Variants in COLEC10 observed in about 807,000 individuals in gnomAD.
COLEC10 encodes collectin-10.
A neutral mutation model predicts 28.4 loss-of-function variants in COLEC10; 22 were observed. The observed-to-expected ratio is 0.78, with a 90% CI of 0.55 to 1.11. The LOEUF is 1.11. Among genes scored for constraint, COLEC10 ranks in the 50% least tolerant of loss-of-function variants. COLEC10 has a pLI of 0.00. For missense variants in COLEC10, 361 were observed against 344.1 expected (o/e 1.05, Z -0.39); for synonymous variants, 125 against 116.1 (o/e 1.08, Z -0.49).
intron 2 of COLEC10, among the ~76,000 whole-genome samples, chr8:119,044,243 C>T (rs1161322459): frequency 6.6e-6 from 1 of 152,190 alleles, no homozygotes; most frequent in Non-Finnish European, 1.5e-5. Flanking sequence ...ATGCCAAGAT[C>T]CACATTTTAC....
At chr8:119,023,538 A>T (rs1288775942) in intron 2 of COLEC10, among the ~76,000 whole-genome samples, 2 of 152,180 alleles carry the variant, frequency 1.3e-5, no homozygotes, top group Non-Finnish European at 2.9e-5. Flanking sequence ...TTTAACCTCT[A>T]GTTTCTAAAC....
At chr8:119,052,566 C>T (rs1337146363) in intron 2 of COLEC10, among the ~76,000 whole-genome samples, 3 of 152,040 alleles carry the variant, frequency 2.0e-5, no homozygotes, top group Admixed American at 6.6e-5. Context: ...TCATTATGTC[C>T]TCTTAAAGTT....
intron 1 of COLEC10, among the ~76,000 whole-genome samples, chr8:119,083,751 C>A (rs895203456): frequency 1.3e-5 from 2 of 151,722 alleles, no homozygotes; most frequent in African/African-American, 4.8e-5. Context: ...AATAATTTGA[C>A]AAATTACTTA....
chr8:118,999,593 T>A (rs201244761), intron 1 of COLEC10, among the ~76,000 whole-genome samples: 473 of 136,230 alleles, frequency 3.5e-3, no homozygotes, highest in African/African-American at 3.9e-3. Flanking sequence ...TCCATCTCAA[T>A]AAAAAAAAAA....
At chr8:118,966,149 G>A in the COLEC10 span, among the ~76,000 whole-genome samples, 2 of 152,068 alleles carry the variant, frequency 1.3e-5, no homozygotes, top group East Asian at 1.9e-4. Flanking sequence ...GGAAACAATA[G>A]AGTTTAAAAT....
At chr8:119,058,931 C>T (rs537718748) in intron 2 of COLEC10, among the ~76,000 whole-genome samples, 1 of 152,046 alleles carries the variant, frequency 6.6e-6, no homozygotes, top group South Asian at 2.1e-4. Context: ...AGTATTGTCA[C>T]ATTTATTATT....
intron 3 of COLEC10, among the ~76,000 whole-genome samples, chr8:119,094,136 C>T (rs537992155): frequency 4.4e-4 from 67 of 152,228 alleles, no homozygotes; most frequent in African/African-American, 1.6e-3. Flanking sequence ...TGCAAAAGTG[C>T]TGAGTCAGAG....
rs981160714 is a variant in COLEC10 at position 119,106,737 on chromosome 8, G to C, written c.*546G>C. Among the ~76,000 whole-genome samples the C allele has an allele frequency of 7.2e-5, 11 of 152,184 alleles. No individual in the cohort carries two copies. The highest frequency in any genetic ancestry group is 4.6e-4 in the Admixed American group (7 of 15,268). ...AGTTCTCCTTGTTGGCACAGACATA[G>C]AAATGCTTTAACCCCAAACCTTTAT... is the stretch of plus-strand genomic sequence containing the variant. On this transcript the variant is annotated 3_prime_UTR_variant, in exon 6 of 6. Coordinates refer to ENST00000332843, the MANE Select transcript of COLEC10 (RefSeq NM_006438.5).
At chr8:119,053,669 G>A (rs1015059545) in intron 2 of COLEC10, among the ~76,000 whole-genome samples, 4 of 118,490 alleles carry the variant, frequency 3.4e-5, no homozygotes, top group African/African-American at 1.6e-4. Flanking sequence ...AGGATTGTAG[G>A]CAATTAAAAA....
chr8:119,045,369 A>C (rs1814569043), intron 2 of COLEC10, among the ~76,000 whole-genome samples: 1 of 152,246 alleles, frequency 6.6e-6, no homozygotes, highest in African/African-American at 2.4e-5. Context: ...TGGCATGACC[A>C]ATTGGCTGAA....
chr8:119,082,817 G>T (rs1306192840), intron 1 of COLEC10, among the ~76,000 whole-genome samples: 1 of 152,158 alleles, frequency 6.6e-6, no homozygotes, highest in East Asian at 1.9e-4. Context: ...TTATTCTGGT[G>T]GAGCTCAGTC....
At chr8:118,965,042 TG>T in the COLEC10 span, among the ~76,000 whole-genome samples, 1 of 152,204 alleles carries the variant, frequency 6.6e-6, no homozygotes, top group African/African-American at 2.4e-5. Context: ...AGCTGAATGT[TG>T]AAGGAAGAGA....
chr8:118,983,186 T>C, the COLEC10 span, among the ~76,000 whole-genome samples: 2 of 152,292 alleles, frequency 1.3e-5, no homozygotes, highest in African/African-American at 4.8e-5. Flanking sequence ...TAATGAGCTT[T>C]TCCTTTGTTG....
chr8:119,093,740 C>A (rs977694446), intron 3 of COLEC10, among the ~76,000 whole-genome samples: 1 of 152,152 alleles, frequency 6.6e-6, no homozygotes, highest in Non-Finnish European at 1.5e-5. Context: ...TTTAATACCA[C>A]CCATGGATGA....
At chr8:119,098,857 C>T (rs1025814888) in intron 3 of COLEC10, among the ~76,000 whole-genome samples, 3 of 151,992 alleles carry the variant, frequency 2.0e-5, no homozygotes, top group Non-Finnish European at 4.4e-5. Context: ...CCGTCTCACT[C>T]GGATTAATTT....
At chr8:119,093,087 G>A (rs1381974209) in intron 3 of COLEC10, among the ~76,000 whole-genome samples, 1 of 152,146 alleles carries the variant, frequency 6.6e-6, no homozygotes, top group East Asian at 1.9e-4. Context: ...AAAAAGATTA[G>A]GGGAAGCTTA....
intron 2 of COLEC10, among the ~76,000 whole-genome samples, chr8:119,037,017 G>A (rs557380082): frequency 5.3e-5 from 8 of 152,234 alleles, no homozygotes; most frequent in South Asian, 4.2e-4. Context: ...GATGAGTTTC[G>A]TATTGGTCAG....
At chr8:118,952,331 G>C in the COLEC10 span, 2 of 161,106 alleles carry the variant, frequency 1.2e-5, no homozygotes, top group Non-Finnish European at 2.7e-5. Flanking sequence ...AGATCCGGAC[G>C]CAGTTGGAGT....
chr8:119,084,341 G>A (rs1815427437), intron 1 of COLEC10, among the ~76,000 whole-genome samples: 1 of 152,130 alleles, frequency 6.6e-6, no homozygotes. Flanking sequence ...TCATCAATAC[G>A]TCATCCCACC....
Sources: allele counts gnomAD v4.1 joint callset (sites outside exome capture counted in the v4.1 genomes callset), GRCh38; gene constraint gnomAD v4.1.1; transcripts MANE v1.5; gene names NCBI Gene and HGNC (gene_info 2026-07-23, HGNC 2026-07-21).